Variants in ABCA10 observed in about 807,000 individuals in gnomAD.
ABCA10 encodes the protein ATP-binding cassette sub-family A member 10.
ABCA10 carries 169 observed loss-of-function variants against 187.5 expected under a neutral mutation model. The ratio of observed to expected loss-of-function variants is 0.90; its 90% CI spans 0.80 to 1.02. The LOEUF is 1.02. ABCA10 is among the 50% of genes least tolerant of loss of function. The pLI, the probability that ABCA10 is intolerant of heterozygous loss-of-function variation, is 0.00. For missense variants in ABCA10, 1,727 were observed against 1,812.4 expected, an observed-to-expected ratio of 0.95 and a Z score of 0.86; for synonymous variants, 574 against 601.8, an observed-to-expected ratio of 0.95 and a Z score of 0.68.
chr17:69,196,140 G>C (rs995975367), intron 11 of ABCA10: 1 of 160,000 alleles, frequency 6.3e-6, no homozygotes, highest in African/African-American at 2.4e-5. Flanking sequence ...GGCGGCTGCC[G>C]GGCGGGGGCT....
intron 30 of ABCA10, 150 bp downstream of exon 30, chr17:69,154,869 T>C (rs1226529547): frequency 1.8e-6 from 1 of 542,548 alleles, no homozygotes; most frequent in Non-Finnish European, 3.2e-6. Flanking sequence ...TAGAAAAGAC[T>C]TATCTGCTGA....
At chr17:69,215,251 A>G (rs939452860) in intron 8 of ABCA10, among the ~76,000 whole-genome samples, 3 of 152,236 alleles carry the variant, frequency 2.0e-5, no homozygotes, top group Non-Finnish European at 2.9e-5. Context: ...CAATTATTAA[A>G]TAAGTACTGA....
chr17:69,161,279 T>C (rs2074216097), intron 27 of ABCA10, among the ~76,000 whole-genome samples: 1 of 152,206 alleles, frequency 6.6e-6, no homozygotes, highest in African/African-American at 2.4e-5. Flanking sequence ...GTTTAATGGC[T>C]ATACAGTTTC....
chr17:69,178,067 T>C (rs1270069680), intron 22 of ABCA10, among the ~76,000 whole-genome samples: 1 of 143,108 alleles, frequency 7.0e-6, no homozygotes, highest in Admixed American at 7.2e-5. Flanking sequence ...AGGTGCTCAA[T>C]AACTAAGAAT....
At chr17:69,153,249 C>T (rs904043184) in intron 34 of ABCA10, 56 bp downstream of exon 34, 1 of 1,526,528 alleles carries the variant, frequency 6.6e-7, no homozygotes, top group Non-Finnish European at 8.8e-7. Flanking sequence ...AAAACAAAAA[C>T]AAAATATCCT....
intron 27 of ABCA10, among the ~76,000 whole-genome samples, chr17:69,159,516 T>C (rs2074199071): frequency 6.6e-6 from 1 of 152,124 alleles, no homozygotes. Context: ...GTCAGATTGC[T>C]GAAAATCAAA....
intron 17 of ABCA10, among the ~76,000 whole-genome samples, chr17:69,190,801 A>G (rs1468695193): frequency 6.6e-6 from 1 of 151,616 alleles, no homozygotes; most frequent in African/African-American, 2.4e-5. Flanking sequence ...ACTTTTCTAT[A>G]CTAACCATTT....
Position 69,174,339 on chromosome 17 carries a change from G to T in ABCA10, c.3104C>A (p.Ser1035Ter). ...VSLIFLTYVL[S>*]FIFRKWRKNN... ...TTTTCTCCACTTGCGAAAGATGAAT[G>T]AAAGCACATATGTGAGGAATATAAG... Residue 1035 changes from serine (S) to a stop codon, truncating the protein, a stop_gained, in exon 25 of 39, where the codon TCA becomes TAA. Coordinates refer to ENST00000690296, the MANE Select transcript of ABCA10 (RefSeq NM_001377321.1). LOFTEE classifies it high-confidence loss of function. 6.2e-7 allele frequency: 1 copy of T among 1,606,654 alleles called. No individual in the cohort carries two copies. Among genetic ancestry groups the T allele is most frequent in the Non-Finnish European group, 8.5e-7 (1 of 1,177,938 alleles).
chr17:69,174,142 A>G, intron 25 of ABCA10, 139 bp downstream of exon 25: 1 of 537,888 alleles, frequency 1.9e-6, no homozygotes, highest in East Asian at 3.3e-5. Flanking sequence ...AACATGGTAC[A>G]ACAATAATGA....
chr17:69,227,509 T>C (rs987508217), intron 1 of ABCA10, among the ~76,000 whole-genome samples: 1 of 151,950 alleles, frequency 6.6e-6, no homozygotes, highest in African/African-American at 2.4e-5. Flanking sequence ...AAGGAGATAG[T>C]ATATAAGACC....
chr17:69,242,851 T>TA (rs1424932631), intron 1 of ABCA10, among the ~76,000 whole-genome samples: 1 of 152,176 alleles, frequency 6.6e-6, no homozygotes, highest in Non-Finnish European at 1.5e-5. Flanking sequence ...TAATAAAACC[T>TA]AAAAAACATC....
intron 9 of ABCA10, among the ~76,000 whole-genome samples, chr17:69,209,675 T>C (rs2074622141): frequency 6.6e-6 from 1 of 151,696 alleles, no homozygotes. Context: ...TGGAGCTAAA[T>C]AAGTACAGTC....
In ABCA10 at chr17:69,186,281, GA is replaced by G. The variant is rs561783202; in HGVS notation, c.2331-639del. Among the ~76,000 whole-genome samples, 838 of 147,078 alleles carry G rather than the reference GA, an allele frequency of 5.7e-3. 12 individuals are homozygous for G. Among genetic ancestry groups the G allele is most frequent in the African/African-American group, 0.019 (747 of 40,152 alleles). On this transcript the variant is annotated intron_variant, in intron 19 of 38. Transcript: ENST00000690296. ...CTCCCTATCAGCCATATATTTCATA[GA>G]AAAAAAAAATGGAGTCTATAGGACA...
intron 27 of ABCA10, 33 bp from the exon 28 acceptor site, chr17:69,156,956 T>A: frequency 7.4e-7 from 1 of 1,344,614 alleles, no homozygotes; most frequent in Non-Finnish European, 1.0e-6. Context: ...AGAATTAGCA[T>A]CACCATGGCA....
At chr17:69,154,367 T>G in intron 30 of ABCA10, 41 bp from the exon 31 acceptor site, 1 of 1,454,990 alleles carries the variant, frequency 6.9e-7, no homozygotes, top group Non-Finnish European at 9.4e-7. Flanking sequence ...ATTTTCAAGG[T>G]TGACTAATCT....
At chr17:69,186,082 T>C (rs1375343240) in intron 19 of ABCA10, among the ~76,000 whole-genome samples, 2 of 152,220 alleles carry the variant, frequency 1.3e-5, no homozygotes, top group African/African-American at 4.8e-5. Context: ...ACAAATATTT[T>C]AATTTTCAGG....
In ABCA10 at chr17:69,191,157, T is replaced by C; in HGVS notation, c.2011+19A>G. 6.4e-7 allele frequency: 1 copy of C among 1,572,124 alleles called. No individual in the cohort carries two copies. The highest frequency in any genetic ancestry group is 8.6e-7 in the Non-Finnish European group (1 of 1,156,972). ...CGTGAACACTTACATATATTCTATG[T>C]GATTACACAGTAAGTTACCTGGAAA... On this transcript the variant is annotated intron_variant, in intron 17 of 38. Coordinates refer to ENST00000690296, the MANE Select transcript of ABCA10 (RefSeq NM_001377321.1).
chr17:69,148,664 GTT>G lies in ABCA10; in HGVS notation c.*161_*162del. 1.6e-6 allele frequency: 1 copy of G among 627,786 alleles called. No individual in the cohort carries two copies. Among genetic ancestry groups the G allele is most frequent in the Non-Finnish European group, 2.6e-6 (1 of 379,856 alleles). The allele number at this position is 627,786 out of a possible 1,614,324, so 38.9% of individuals were successfully genotyped here. A position where few individuals can be genotyped will look rare whatever the true frequency, so the allele number is the denominator to read the frequency against. On this transcript the variant is annotated 3_prime_UTR_variant, in exon 39 of 39. Coordinates refer to ENST00000690296, the MANE Select transcript of ABCA10 (RefSeq NM_001377321.1). Reference sequence around the variant, plus strand: ...CTACTACTTTTCCCTATATTTCCTTGTTTCCTTCATCCTAAATTTTTAAAAAT... The same window carrying G: ...CTACTACTTTTCCCTATATTTCCTTGTCCTTCATCCTAAATTTTTAAAAAT...
intron 2 of ABCA10, among the ~76,000 whole-genome samples, chr17:69,226,397 G>A (rs892025846): frequency 6.6e-6 from 1 of 151,890 alleles, no homozygotes; most frequent in South Asian, 2.1e-4. Context: ...GAACTGCTTC[G>A]GAAGCTATTG....
Sources: gnomAD v4.1 joint callset for allele counts (sites outside exome capture counted in the v4.1 genomes callset) on GRCh38, gnomAD v4.1.1 for gene constraint, MANE v1.5 for transcripts, NCBI Gene and HGNC (gene_info 2026-07-23, HGNC 2026-07-21) for gene names.